TRPC6: variants seen among roughly 807,000 people sequenced by gnomAD.
TRPC6 encodes the protein short transient receptor potential channel 6.
TRPC6 carries 55 observed loss-of-function variants against 90.7 expected under a neutral mutation model. The observed-to-expected ratio is 0.61, with a 90% confidence interval of 0.49 to 0.76. The LOEUF (loss-of-function observed/expected upper bound fraction) is 0.76, where lower values mean the gene tolerates loss of function less well. Among genes scored for constraint, TRPC6 ranks in the 30% least tolerant of loss-of-function variants. The pLI is 0.00. For synonymous variants in TRPC6, 393 were observed against 393.0 expected (o/e 1.00, Z 0.00); for missense variants, 989 against 1,122.7 (o/e 0.88, Z 1.70).
At chr11:101,579,223 T>A (rs1862137271) in intron 1 of TRPC6, among the ~76,000 whole-genome samples, 1 of 152,200 alleles carries the variant, frequency 6.6e-6, no homozygotes, top group African/African-American at 2.4e-5. Flanking sequence ...CCATTAATTT[T>A]TTTTAAGAAT....
chr11:101,507,006 A>ACACAC (rs1860285275), intron 1 of TRPC6, among the ~76,000 whole-genome samples: 3 of 131,168 alleles, frequency 2.3e-5, no homozygotes, highest in South Asian at 2.6e-4. Flanking sequence ...CTCTCTCTCT[A>ACACAC]ACACACACAC....
intron 1 of TRPC6, among the ~76,000 whole-genome samples, chr11:101,518,691 T>C (rs1354596316): frequency 6.6e-6 from 1 of 152,182 alleles, no homozygotes; most frequent in East Asian, 1.9e-4. Flanking sequence ...CTGCTGGGTA[T>C]ATACACAAAA....
At chr11:101,514,485 C>T (rs1042687452) in intron 1 of TRPC6, among the ~76,000 whole-genome samples, 1 of 152,160 alleles carries the variant, frequency 6.6e-6, no homozygotes, top group Non-Finnish European at 1.5e-5. Context: ...GAGAAAATCA[C>T]AGTTGTTTAA....
chr11:101,498,718 C>T (rs1860014525), intron 2 of TRPC6, among the ~76,000 whole-genome samples: 1 of 152,056 alleles, frequency 6.6e-6, no homozygotes, highest in African/African-American at 2.4e-5. Flanking sequence ...AACAGAGGTA[C>T]ATTAATACTT....
At chr11:101,500,666 GTGTTA>G (rs1050870283) in intron 2 of TRPC6, among the ~76,000 whole-genome samples, 3 of 151,988 alleles carry the variant, frequency 2.0e-5, no homozygotes, top group East Asian at 1.9e-4. Context: ...ATATATGTGT[GTGTTA>G]TATGTATTTT....
chr11:101,467,192 C>CTACTTCATTTAT (rs1340493810), intron 10 of TRPC6, among the ~76,000 whole-genome samples: 3 of 152,188 alleles, frequency 2.0e-5, no homozygotes, highest in African/African-American at 7.2e-5. Flanking sequence ...CTTCCACTCA[C>CTACTTCATTTAT]TACTTCATTT....
chr11:101,531,478 A>C (rs1326219145), intron 1 of TRPC6, among the ~76,000 whole-genome samples: 2 of 152,240 alleles, frequency 1.3e-5, no homozygotes, highest in Non-Finnish European at 2.9e-5. Flanking sequence ...CTTTTTCTAG[A>C]TAGGAAAGAC....
chr11:101,526,653 G>A (rs2136787991), intron 1 of TRPC6, among the ~76,000 whole-genome samples: 1 of 151,962 alleles, frequency 6.6e-6, no homozygotes, highest in East Asian at 1.9e-4. Context: ...ACGAGGTCAG[G>A]AGTGTGAGAC....
intron 1 of TRPC6, among the ~76,000 whole-genome samples, chr11:101,549,850 A>T (rs986623983): frequency 6.6e-6 from 1 of 151,572 alleles, no homozygotes; most frequent in Non-Finnish European, 1.5e-5. Flanking sequence ...TTAATAAAGC[A>T]ATACTTAGAA....
intron 1 of TRPC6, among the ~76,000 whole-genome samples, chr11:101,548,435 A>G (rs925415077): frequency 2.1e-5 from 3 of 141,228 alleles, no homozygotes; most frequent in African/African-American, 5.2e-5. Flanking sequence ...ATATAAATAT[A>G]TAATACATAA....
chr11:101,538,822 A>G (rs1260035666), intron 1 of TRPC6, among the ~76,000 whole-genome samples: 1 of 152,204 alleles, frequency 6.6e-6, no homozygotes, highest in Non-Finnish European at 1.5e-5. Context: ...AGGCCCTAGA[A>G]GCTAAGAATG....
At position 101,476,396 on chromosome 11, in the gene TRPC6, T is replaced by C; in HGVS notation, c.1649A>G (p.His550Arg). Residue 550 changes from histidine (H) to arginine (R), a missense_variant, in exon 6 of 13, where the codon CAT becomes CGT. Transcript: ENST00000344327. ...AATGATGCTCTGGGCTTTGGAAGCATGCCAAAATGCCATGAATCTCGCAAT... is the reference window on the plus strand; with the variant it reads ...AATGATGCTCTGGGCTTTGGAAGCACGCCAAAATGCCATGAATCTCGCAAT... ...SFIARFMAFW[H>R]ASKAQSIIDA... The C allele has an allele frequency of 1.9e-6, 3 of 1,614,128 alleles. No homozygotes were observed. Among genetic ancestry groups the C allele is most frequent in the African/African-American group, 1.3e-5 (1 of 75,044 alleles).
intron 1 of TRPC6, chr11:101,583,116 A>G (rs1862235568): frequency 1.0e-6 from 1 of 966,168 alleles, no homozygotes; most frequent in Non-Finnish European, 1.2e-6. Context: ...ATGCGTACCT[A>G]CGAGGAGCAA....
intron 1 of TRPC6, among the ~76,000 whole-genome samples, chr11:101,548,428 T>A (rs1473070043): frequency 7.0e-6 from 1 of 142,702 alleles, no homozygotes; most frequent in Non-Finnish European, 1.5e-5. Flanking sequence ...ATTTAATATA[T>A]AAATATATAA....
At position 101,526,861 on chromosome 11, in the gene TRPC6, C is replaced by CAAAAAAAAAAAAAA. The variant is rs573864895; in HGVS notation, c.171-22077_171-22064dup. Among the ~76,000 whole-genome samples the CAAAAAAAAAAAAAA allele has an allele frequency of 1.9e-4, 7 of 36,132 alleles. 1 individual carries two copies. Among genetic ancestry groups the CAAAAAAAAAAAAAA allele is most frequent in the African/African-American group, 3.6e-4 (3 of 8,370 alleles). The allele number at this position is 36,132 out of a possible 152,430, so 23.7% of individuals were successfully genotyped here. ...CCTGGGTGACAGAAGGAGACTGTCT[C>CAAAAAAAAAAAAAA]AAAAAAAAAAAAAAAAAAAAAAAAA... On this transcript the variant is annotated intron_variant, in intron 1 of 12. Transcript: ENST00000344327.
intron 1 of TRPC6, among the ~76,000 whole-genome samples, chr11:101,557,139 G>C (rs1400117059): frequency 6.6e-6 from 1 of 152,010 alleles, no homozygotes; most frequent in Non-Finnish European, 1.5e-5. Context: ...GCAGATCATT[G>C]AGGCCAGGAG....
rs1227674547 is a variant in TRPC6, at chr11:101,452,635, C to T, written c.*320G>A. 3.4e-6 allele frequency: 1 copy of T among 292,628 alleles called. No homozygotes were observed. Among genetic ancestry groups the T allele is most frequent in the Non-Finnish European group, 6.5e-6 (1 of 153,326 alleles). 18.1% of individuals were successfully genotyped at this position (292,628 alleles called of 1,614,324 possible). A position where few individuals can be genotyped will look rare whatever the true frequency, so the allele number is the denominator to read the frequency against. ...GGGAGTAACGTGGGTCAGCCCCTGT[C>T]CGCTGGGACCCATTTTCAGGCAGAC... On this transcript the variant is annotated 3_prime_UTR_variant, in exon 13 of 13. Coordinates refer to ENST00000344327, the MANE Select transcript of TRPC6 (RefSeq NM_004621.6).
intron 4 of TRPC6, among the ~76,000 whole-genome samples, chr11:101,483,366 T>C (rs559247063): frequency 7.4e-4 from 112 of 152,340 alleles, no homozygotes; most frequent in Admixed American, 1.6e-3. Context: ...CATGTGCTGA[T>C]GTTCTTGATT....
intron 1 of TRPC6, among the ~76,000 whole-genome samples, chr11:101,531,284 T>A (rs537146213): frequency 6.6e-6 from 1 of 152,302 alleles, no homozygotes; most frequent in Non-Finnish European, 1.5e-5. Flanking sequence ...ATGAGGTACA[T>A]GATATTAGTA....
Sources: allele counts gnomAD v4.1 joint callset (sites outside exome capture counted in the v4.1 genomes callset), GRCh38; gene constraint gnomAD v4.1.1; transcripts MANE v1.5; gene names NCBI Gene and HGNC (gene_info 2026-07-23, HGNC 2026-07-21).